GPX5: variants seen among roughly 807,000 people sequenced by gnomAD.
The protein encoded by GPX5 is epididymal secretory glutathione peroxidase.
A neutral mutation model predicts 23.8 loss-of-function variants in GPX5; 20 were observed. The observed-to-expected ratio is 0.84, with a 90% CI of 0.59 to 1.22. GPX5 has a LOEUF of 1.22. Ranked by LOEUF, GPX5 falls within the 50% of genes most tolerant of loss-of-function variation. The pLI, the probability that GPX5 is intolerant of heterozygous loss-of-function variation, is 0.00. For missense variants in GPX5, 230 were observed against 266.6 expected, an observed-to-expected ratio of 0.86 and a Z score of 0.96; for synonymous variants, 92 against 99.5, an observed-to-expected ratio of 0.92 and a Z score of 0.45.
chr6:28,533,803 G>T (rs1417596229), intron 4 of GPX5, among the ~76,000 whole-genome samples, 158 bp from the exon 5 acceptor site: 1 of 152,146 alleles, frequency 6.6e-6, no homozygotes, highest in Non-Finnish European at 1.5e-5. Context: ...TTGGTAGTTG[G>T]CATAGTGGTG....
At chr6:28,532,222 C>T in intron 3 of GPX5, 99 bp from the exon 4 acceptor site, 1 of 759,872 alleles carries the variant, frequency 1.3e-6, no homozygotes, top group Non-Finnish European at 2.2e-6. Flanking sequence ...CGATACTTCC[C>T]TCTTTCTCCC....
At chr6:28,527,254 GA>G (rs558480405) in intron 1 of GPX5, among the ~76,000 whole-genome samples, 64 of 144,076 alleles carry the variant, frequency 4.4e-4, no homozygotes, top group Non-Finnish European at 6.9e-4. Flanking sequence ...AGTAGCAAAA[GA>G]AAAAAAAAAG....
intron 2 of GPX5, 126 bp from the exon 3 acceptor site, chr6:28,531,652 G>A: frequency 1.5e-6 from 1 of 677,094 alleles, no homozygotes; most frequent in South Asian, 1.9e-5. Context: ...CAGCCCTTCT[G>A]ATGCAGAGCT....
chr6:28,533,248 G>C (rs575422426), intron 4 of GPX5, among the ~76,000 whole-genome samples: 1 of 152,148 alleles, frequency 6.6e-6, no homozygotes, highest in Non-Finnish European at 1.5e-5. Context: ...GATTACCAAA[G>C]TGAATTGTTC....
intron 1 of GPX5, among the ~76,000 whole-genome samples, chr6:28,526,522 G>A (rs1023036634): frequency 2.6e-5 from 4 of 152,058 alleles, no homozygotes; most frequent in African/African-American, 9.7e-5. Context: ...AGGAAAAAAC[G>A]AATGTGGAAG....
chr6:28,526,166 C>A, intron 1 of GPX5, 66 bp downstream of exon 1: 1 of 1,200,138 alleles, frequency 8.3e-7, no homozygotes. Context: ...CTGCCCTCCA[C>A]TCCTTCTTGT....
intron 3 of GPX5, 133 bp downstream of exon 3, chr6:28,532,028 C>T (rs1763333828): frequency 1.3e-6 from 1 of 756,680 alleles, no homozygotes; most frequent in Non-Finnish European, 2.3e-6. Context: ...CAGAGTTTAA[C>T]TTTGGCCTAC....
At chr6:28,529,829 G>A (rs915924403) in intron 2 of GPX5, among the ~76,000 whole-genome samples, 4 of 152,128 alleles carry the variant, frequency 2.6e-5, no homozygotes, top group South Asian at 2.1e-4. Context: ...AGCCGTCCCC[G>A]TTCATTTACA....
intron 4 of GPX5, among the ~76,000 whole-genome samples, chr6:28,532,889 C>G (rs1221369908): frequency 3.3e-5 from 5 of 152,084 alleles, no homozygotes; most frequent in Admixed American, 2.0e-4. Flanking sequence ...TGAGGCAGGA[C>G]AGGAGAATTG....
At position 28,534,405 on chromosome 6, in the gene GPX5, T is replaced by C; in HGVS notation, c.*238T>C. On this transcript the variant is annotated 3_prime_UTR_variant, in exon 5 of 5. Coordinates refer to ENST00000412168, the MANE Select transcript of GPX5 (RefSeq NM_001509.3). The stretch of plus-strand genomic sequence containing the variant: ...GTATGTGGGTGAAGACTGAAACAAA[T>C]GGAAACCTAAAATCCCCAGACCTCT... 2.5e-6 allele frequency: 1 copy of C among 405,758 alleles called. No individual in the cohort carries two copies. The highest frequency in any genetic ancestry group is 4.3e-6 in the Non-Finnish European group (1 of 229,906). The allele number at this position is 405,758 out of a possible 1,614,324, so 25.1% of individuals were successfully genotyped here. A position where few individuals can be genotyped will look rare whatever the true frequency, so the allele number is the denominator to read the frequency against.
At chr6:28,527,051 G>A (rs1763221070) in intron 1 of GPX5, 1 of 152,232 alleles carries the variant, frequency 6.6e-6, no homozygotes, top group African/African-American at 2.4e-5. Flanking sequence ...TGAGTGTGGA[G>A]ACTCTGGGCT....
At chr6:28,528,593 T>A (rs1291843535) in intron 1 of GPX5, 1 of 152,086 alleles carries the variant, frequency 6.6e-6, no homozygotes, top group South Asian at 2.1e-4. Context: ...GCCTGTTTTT[T>A]ACAGAAGCAT....
intron 3 of GPX5, 120 bp downstream of exon 3, chr6:28,532,015 A>G: frequency 1.3e-6 from 1 of 776,800 alleles, no homozygotes; most frequent in East Asian, 2.4e-5. Flanking sequence ...GGGGCATTAC[A>G]AGCAGAGTTT....
intron 1 of GPX5, chr6:28,527,659 C>G (rs1375135854): frequency 2.6e-5 from 4 of 152,268 alleles, no homozygotes; most frequent in Admixed American, 2.6e-4. Context: ...ATGCCCTTCT[C>G]TCTTTTCTCC....
chr6:28,531,370 C>CAAAAAAAAAAAAAAAA (rs1193939654), intron 2 of GPX5, among the ~76,000 whole-genome samples: 1 of 50,114 alleles, frequency 2.0e-5, no homozygotes. Context: ...GAATCTGTCT[C>CAAAAAAAAAAAAAAAA]AAAAAAAAAA....
At chr6:28,529,741 T>C in intron 2 of GPX5, 137 bp downstream of exon 2, 1 of 781,318 alleles carries the variant, frequency 1.3e-6, no homozygotes, top group South Asian at 2.7e-5. Context: ...TCATCCTCCA[T>C]ATCAGAAGTC....
At position 28,534,302 on chromosome 6, in the gene GPX5, G is replaced by A. The variant is rs946841540; in HGVS notation, c.*135G>A. The A allele has an allele frequency of 3.3e-5, 17 of 520,734 alleles. No individual in the cohort carries two copies. Among genetic ancestry groups the A allele is most frequent in the Admixed American group, 1.9e-4 (5 of 26,772 alleles). The allele number at this position is 520,734 out of a possible 1,614,324, so 32.3% of individuals were successfully genotyped here. On this transcript the variant is annotated 3_prime_UTR_variant, in exon 5 of 5. Coordinates refer to ENST00000412168, the MANE Select transcript of GPX5 (RefSeq NM_001509.3). ...ATGGGCTCCACCTGAGTAAATCACC[G>A]CCACATACTGCCAGAATTCCCACTC...
At position 28,534,443 on chromosome 6, in the gene GPX5, A is replaced by G. The variant is rs1763386886; in HGVS notation, c.*276A>G. 2.9e-6 allele frequency: 1 copy of G among 345,248 alleles called. No homozygotes were observed. The highest frequency in any genetic ancestry group is 5.2e-6 in the Non-Finnish European group (1 of 191,470). The allele number at this position is 345,248 out of a possible 1,614,324, so 21.4% of individuals were successfully genotyped here. A position where few individuals can be genotyped will look rare whatever the true frequency, so the allele number is the denominator to read the frequency against. ...TCCCCAGACCTCTGTTACAGGTTGA[A>G]TCATTCATATCCACCAGAGGGAAAT... On this transcript the variant is annotated 3_prime_UTR_variant, in exon 5 of 5. Coordinates refer to ENST00000412168, the MANE Select transcript of GPX5 (RefSeq NM_001509.3).
At chr6:28,533,486 C>T (rs995706740) in intron 4 of GPX5, among the ~76,000 whole-genome samples, 3 of 152,142 alleles carry the variant, frequency 2.0e-5, no homozygotes, top group Non-Finnish European at 4.4e-5. Flanking sequence ...ATGACCCACA[C>T]GCAGTTTATT....
Sources: allele counts gnomAD v4.1 joint callset (sites outside exome capture counted in the v4.1 genomes callset), GRCh38; gene constraint gnomAD v4.1.1; transcripts MANE v1.5; gene names NCBI Gene and HGNC (gene_info 2026-07-23, HGNC 2026-07-21).